PKHD1: variants seen among roughly 807,000 people sequenced by gnomAD.
PKHD1 encodes the protein PKHD1 ciliary IPT domain containing fibrocystin/polyductin.
In PKHD1, 291 loss-of-function variants were observed where a neutral mutation model predicts 412.0. The observed-to-expected ratio is 0.71, with a 90% CI of 0.64 to 0.78. The LOEUF (loss-of-function observed/expected upper bound fraction) is 0.78. Ranked by LOEUF, PKHD1 falls within the 30% of genes least tolerant of loss-of-function variation. The pLI, the probability that PKHD1 is intolerant of heterozygous loss-of-function variation, is 0.00. For synonymous variants in PKHD1, 1,777 were observed against 1,821.5 expected, an observed-to-expected ratio of 0.98 and a Z score of 0.62; for missense variants, 4,825 against 4,950.7, an observed-to-expected ratio of 0.97 and a Z score of 0.76.
intron 39 of PKHD1, 80 bp from the exon 40 acceptor site, chr6:51,909,554 T>G (rs2127653462): frequency 1.9e-6 from 2 of 1,054,280 alleles, no homozygotes; most frequent in South Asian, 2.5e-5. Flanking sequence ...TGAAAGGTAC[T>G]GTCAGCACCG....
chr6:51,828,443 A>G (rs1328201004), intron 52 of PKHD1, among the ~76,000 whole-genome samples: 2 of 152,162 alleles, frequency 1.3e-5, no homozygotes, highest in Non-Finnish European at 2.9e-5. Context: ...CTCAAGTTAT[A>G]GTTGCTACTA....
chr6:51,907,029 T>C (rs920477276), intron 40 of PKHD1, among the ~76,000 whole-genome samples: 5 of 152,172 alleles, frequency 3.3e-5, no homozygotes, highest in Non-Finnish European at 5.9e-5. Flanking sequence ...GTATCAACTA[T>C]ATGTTTCAGG....
chr6:51,734,451 G>C (rs1340400638), intron 60 of PKHD1, among the ~76,000 whole-genome samples: 1 of 152,064 alleles, frequency 6.6e-6, no homozygotes. Flanking sequence ...CCCTCATTCA[G>C]CAAACATTAA....
chr6:51,895,035 C>T (rs1386055976), intron 43 of PKHD1, among the ~76,000 whole-genome samples: 7 of 152,244 alleles, frequency 4.6e-5, no homozygotes, highest in Admixed American at 2.0e-4. Context: ...CACACAAATA[C>T]ATGCACATAC....
chr6:51,793,082 C>A (rs1794015388), intron 52 of PKHD1, among the ~76,000 whole-genome samples: 1 of 152,146 alleles, frequency 6.6e-6, no homozygotes, highest in South Asian at 2.1e-4. Context: ...TCGTCCAGAT[C>A]TGTTGAGTTT....
intron 49 of PKHD1, among the ~76,000 whole-genome samples, chr6:51,849,616 G>A (rs374615099): frequency 1.6e-4 from 25 of 152,172 alleles, no homozygotes; most frequent in African/African-American, 4.8e-4. Context: ...ATCTCATAGC[G>A]GTTTTGATGT....
At chr6:51,929,508 A>G (rs990910615) in intron 37 of PKHD1, among the ~76,000 whole-genome samples, 4 of 127,022 alleles carry the variant, frequency 3.1e-5, no homozygotes, top group African/African-American at 1.1e-4. Flanking sequence ...CCTCCAGGAA[A>G]CATTTGGATT....
chr6:51,966,026 AAT>A (rs749553943), intron 35 of PKHD1, among the ~76,000 whole-genome samples: 13 of 152,160 alleles, frequency 8.5e-5, no homozygotes, highest in Non-Finnish European at 1.9e-4. Flanking sequence ...TAATATTTCT[AAT>A]GTCCCAAGCA....
intron 35 of PKHD1, among the ~76,000 whole-genome samples, chr6:52,000,574 C>A (rs922841813): frequency 3.9e-5 from 6 of 152,168 alleles, no homozygotes; most frequent in African/African-American, 1.2e-4. Flanking sequence ...AATAGGACTA[C>A]CTTTTGTCTG....
rs1211916828 is a variant in PKHD1 at position 51,870,548 on chromosome 6, T to G, written c.7442A>C (p.Asn2481Thr). 1.9e-6 allele frequency: 3 copies of G among 1,612,114 alleles called. No homozygotes were observed. Among genetic ancestry groups the G allele is most frequent in the Non-Finnish European group, 2.5e-6 (3 of 1,178,180 alleles). Residue 2481 changes from asparagine (N) to threonine (T), a missense_variant, in exon 47 of 67, where the codon AAC becomes ACC. Coordinates refer to ENST00000371117, the MANE Select transcript of PKHD1 (RefSeq NM_138694.4). ...TGAACAGGTTCTAATGGCCACACAG[T>G]TGATGAGATCAAAATTAACAAAGGT... ...NTTFVNFDLI[N>T]CVAIRTCSDC...
intron 60 of PKHD1, among the ~76,000 whole-genome samples, chr6:51,677,071 A>G (rs1197960823): frequency 6.6e-6 from 1 of 152,182 alleles, no homozygotes; most frequent in African/African-American, 2.4e-5. Context: ...TGAAAAAGAT[A>G]TATATGCTTG....
In PKHD1 at chr6:52,055,658, G is replaced by A. The variant is rs137972270; in HGVS notation, c.1765C>T (p.Arg589Cys). Residue 589 changes from arginine to cysteine, a missense_variant, in exon 19 of 67, where the codon CGT becomes TGT. Transcript: ENST00000371117. The stretch of plus-strand genomic sequence containing the variant: ...GTAAGGACAAGGTGTCGAGGCTGAC[G>A]GAGGCTGAACCTGCCACAGAAGGGC... ...TEPFCGRFSL[R>C]QPRHLVLTPP... 4.0e-5 allele frequency: 64 copies of A among 1,613,686 alleles called. No homozygotes were observed. In the African/African-American group the frequency reaches 6.7e-4, roughly 17 times the overall value.
intron 49 of PKHD1, among the ~76,000 whole-genome samples, chr6:51,854,735 G>A (rs1439765808): frequency 6.6e-6 from 1 of 152,252 alleles, no homozygotes; most frequent in African/African-American, 2.4e-5. Context: ...TGGTATGTTG[G>A]GCTGTGGGGA....
intron 13 of PKHD1, 39 bp downstream of exon 13, chr6:52,064,916 T>G (rs751671530): frequency 8.7e-6 from 8 of 924,458 alleles, no homozygotes; most frequent in Non-Finnish European, 1.3e-5. Flanking sequence ...TGATTAAAGA[T>G]ATTCAGAGTT....
intron 60 of PKHD1, among the ~76,000 whole-genome samples, chr6:51,704,797 T>TAG (rs1779823282): frequency 6.6e-6 from 1 of 152,014 alleles, no homozygotes; most frequent in Admixed American, 6.6e-5. Context: ...AAGACTAGGT[T>TAG]AGAGATAGGG....
At chr6:51,676,678 T>C (rs1171741952) in intron 60 of PKHD1, among the ~76,000 whole-genome samples, 1 of 152,176 alleles carries the variant, frequency 6.6e-6, no homozygotes, top group African/African-American at 2.4e-5. Flanking sequence ...TTTATCCCCA[T>C]TTATATATGT....
chr6:52,002,809 A>C (rs764120262), intron 35 of PKHD1, among the ~76,000 whole-genome samples: 2 of 152,224 alleles, frequency 1.3e-5, no homozygotes, highest in Non-Finnish European at 2.9e-5. Flanking sequence ...TTAGCCTCTA[A>C]ATAGCTATGT....
chr6:51,854,501 C>T (rs907801402), intron 49 of PKHD1, among the ~76,000 whole-genome samples: 2 of 152,140 alleles, frequency 1.3e-5, no homozygotes, highest in Admixed American at 6.5e-5. Context: ...TCTGGGCTGC[C>T]GGGATTCCTC....
At chr6:51,848,354 C>T (rs548217989) in intron 49 of PKHD1, among the ~76,000 whole-genome samples, 8 of 152,142 alleles carry the variant, frequency 5.3e-5, no homozygotes, top group African/African-American at 1.9e-4. Context: ...CGACTTGAAG[C>T]GACAGGCAAT....
Sources: allele counts gnomAD v4.1 joint callset (sites outside exome capture counted in the v4.1 genomes callset), GRCh38; gene constraint gnomAD v4.1.1; transcripts MANE v1.5; gene names NCBI Gene and HGNC (gene_info 2026-07-23, HGNC 2026-07-21).